PCLO: variants seen among roughly 807,000 people sequenced by gnomAD.
The protein encoded by PCLO is piccolo presynaptic cytomatrix protein.
Under a neutral mutation model 427.5 loss-of-function variants are expected in PCLO, and 82 were observed. The observed-to-expected ratio is 0.19, with a 90% CI of 0.16 to 0.23. The LOEUF (loss-of-function observed/expected upper bound fraction) is 0.23. Ranked by LOEUF, PCLO falls within the 10% of genes least tolerant of loss-of-function variation. The pLI is 1.00. For synonymous variants in PCLO, 2,357 were observed against 2,155.4 expected (o/e 1.09, Z -2.59); for missense variants, 6,239 against 6,115.9 (o/e 1.02, Z -0.67).
At chr7:82,809,711 T>A (rs1791529308) in intron 20 of PCLO, among the ~76,000 whole-genome samples, 2 of 151,698 alleles carry the variant, frequency 1.3e-5, no homozygotes, top group Admixed American at 6.6e-5. Flanking sequence ...TTTATACAAA[T>A]CATAAATTTC....
intron 10 of PCLO, among the ~76,000 whole-genome samples, chr7:82,877,351 C>G (rs78287121): frequency 6.6e-6 from 1 of 152,188 alleles, no homozygotes; most frequent in Non-Finnish European, 1.5e-5. Flanking sequence ...ATACTAGACA[C>G]AGTTGTTATT....
rs779234330 is a variant in PCLO at position 83,156,027 on chromosome 7, C to T, written c.614G>A (p.Gly205Glu). The change falls in exon 2 of 25, where the codon GGA (glycine) becomes GAA (glutamate). Residue 205 changes from glycine to glutamate, a missense_variant. Physicochemically the swap from Gly to Glu is moderately conservative, Grantham distance 98. This residue lies in a region of PCLO where 4,677 missense variants were observed against 4,468.4 expected (regional missense o/e 1.05). Coordinates refer to ENST00000333891, the MANE Select transcript of PCLO (RefSeq NM_033026.6). ...VVQKEQGKPE[G>E]IIKPPLQQQP... The stretch of plus-strand genomic sequence containing the variant: ...TTGTTGTAAAGGAGGTTTTATGATT[C>T]CTTCAGGTTTTCCTTGCTCCTTCTG... 6.2e-7 allele frequency: 1 copy of T among 1,612,710 alleles called. No individual in the cohort carries two copies. The highest frequency in any genetic ancestry group is 8.5e-7 in the Non-Finnish European group (1 of 1,179,648).
In PCLO at chr7:83,020,778, C is replaced by T. The variant is rs377700313; in HGVS notation, c.3301-54291G>A. ...TTAGTGAAGTGGTCCCTATAAATTT[C>T]GTAAAATTAATCAGGGAAGAAGGGA... is the stretch of plus-strand genomic sequence containing the variant. On this transcript the variant is annotated intron_variant, in intron 3 of 24. Transcript: ENST00000333891. Among the ~76,000 whole-genome samples, 15 of 152,082 alleles carry T rather than the reference C, an allele frequency of 9.9e-5. No homozygotes were observed. The East Asian group carries it at 2.7e-3, about 27-fold the overall frequency.
At chr7:82,898,839 C>A (rs978355976) in intron 9 of PCLO, among the ~76,000 whole-genome samples, 8 of 151,478 alleles carry the variant, frequency 5.3e-5, no homozygotes, top group African/African-American at 1.9e-4. Flanking sequence ...CAAGCTCCAA[C>A]AATCAACAAA....
At chr7:83,000,848 CTTAA>C (rs753423796) in intron 3 of PCLO, among the ~76,000 whole-genome samples, 36 of 152,010 alleles carry the variant, frequency 2.4e-4, no homozygotes, top group African/African-American at 5.1e-4. Context: ...TGTTTTTATT[CTTAA>C]TTAATTTAAC....
At chr7:83,158,645 C>A (rs1223584804) in intron 1 of PCLO, among the ~76,000 whole-genome samples, 2 of 151,886 alleles carry the variant, frequency 1.3e-5, no homozygotes, top group Non-Finnish European at 2.9e-5. Context: ...AAAAAATAAA[C>A]TTCATGAATG....
chr7:83,062,980 T>C (rs1434067547), intron 3 of PCLO, among the ~76,000 whole-genome samples: 4 of 152,102 alleles, frequency 2.6e-5, no homozygotes. Context: ...TATTCCTAAA[T>C]TCCTAATGGA....
intron 3 of PCLO, among the ~76,000 whole-genome samples, chr7:83,057,179 G>A (rs920212375): frequency 3.4e-5 from 5 of 148,900 alleles, no homozygotes; most frequent in Non-Finnish European, 5.9e-5. Flanking sequence ...CGCCTCCCGG[G>A]TTCAAGAGAT....
rs369207658 is a variant in PCLO, at chr7:83,155,121, G to C, written c.1520C>G (p.Thr507Arg). Reference protein sequence around the residue: ...AKPPSQQPGSTKPPPQQPGPA... With the variant: ...AKPPSQQPGSRKPPPQQPGPA... ...GCCAGGCTGTTGAGGTGGGGGTTTTGTTGAGCCAGGCTGTTGAGATGGGGG... is the reference window on the plus strand; with the variant it reads ...GCCAGGCTGTTGAGGTGGGGGTTTTCTTGAGCCAGGCTGTTGAGATGGGGG... The change falls in exon 2 of 25, where the codon ACA becomes AGA. Residue 507 changes from threonine to arginine, a missense_variant. Around this residue, in one of 5 missense-constraint regions of PCLO, gnomAD observed 4,677 missense variants for 4,468.4 expected, o/e 1.05. Coordinates refer to ENST00000333891, the MANE Select transcript of PCLO (RefSeq NM_033026.6). 1 of 1,540,134 alleles carries C rather than the reference G, an allele frequency of 6.5e-7. No homozygotes were observed. Among genetic ancestry groups the C allele is most frequent in the Non-Finnish European group, 8.8e-7 (1 of 1,133,418 alleles).
chr7:83,130,339 C>A (rs376633031), intron 3 of PCLO, among the ~76,000 whole-genome samples: 27 of 152,090 alleles, frequency 1.8e-4, no homozygotes, highest in Admixed American at 1.4e-3. Flanking sequence ...ACCACCATGC[C>A]GGCTTTCTCA....
At chr7:82,930,878 G>C (rs993558031) in intron 6 of PCLO, among the ~76,000 whole-genome samples, 1 of 152,128 alleles carries the variant, frequency 6.6e-6, no homozygotes, top group African/African-American at 2.4e-5. Flanking sequence ...ATAACTTGTA[G>C]ATTCAACATA....
At chr7:82,873,153 T>C (rs1157613831) in intron 10 of PCLO, among the ~76,000 whole-genome samples, 1 of 151,138 alleles carries the variant, frequency 6.6e-6, no homozygotes, top group Non-Finnish European at 1.5e-5. Context: ...GATAGGTACA[T>C]GGCTGTTTGC....
chr7:82,992,800 T>C (rs143097111), intron 3 of PCLO, among the ~76,000 whole-genome samples: 404 of 151,570 alleles, frequency 2.7e-3, no homozygotes, highest in African/African-American at 9.2e-3. Flanking sequence ...TTCCCACAGA[T>C]TACTGACATT....
chr7:83,122,286 CTTTTTTTTTTT>C (rs71074624), intron 3 of PCLO, among the ~76,000 whole-genome samples: 6 of 128,302 alleles, frequency 4.7e-5, no homozygotes, highest in Non-Finnish European at 9.7e-5. Flanking sequence ...CTTTTCTTTT[CTTTTTTTTTTT>C]TTTTTTTTTA....
chr7:83,103,528 G>A (rs1446631443), intron 3 of PCLO, among the ~76,000 whole-genome samples: 1 of 151,824 alleles, frequency 6.6e-6, no homozygotes, highest in Non-Finnish European at 1.5e-5. Flanking sequence ...CCAGTATTTA[G>A]GATATATACT....
chr7:83,026,514 T>C (rs2116100719), intron 3 of PCLO, among the ~76,000 whole-genome samples: 1 of 152,014 alleles, frequency 6.6e-6, no homozygotes, highest in South Asian at 2.1e-4. Context: ...TGGGAGACTT[T>C]AACACCCCAC....
intron 3 of PCLO, among the ~76,000 whole-genome samples, chr7:83,021,967 A>T (rs1162167518): frequency 6.6e-6 from 1 of 152,212 alleles, no homozygotes; most frequent in African/African-American, 2.4e-5. Flanking sequence ...CAAATTTAAA[A>T]ATATTCTTTT....
intron 9 of PCLO, among the ~76,000 whole-genome samples, chr7:82,899,005 T>C (rs980746313): frequency 2.6e-5 from 4 of 151,394 alleles, no homozygotes; most frequent in Non-Finnish European, 4.4e-5. Flanking sequence ...TAACAATATA[T>C]TGTATTATAG....
chr7:82,894,067 A>T (rs1171354936), intron 9 of PCLO, among the ~76,000 whole-genome samples: 1 of 152,028 alleles, frequency 6.6e-6, no homozygotes, highest in African/African-American at 2.4e-5. Context: ...ATGAGTAAAA[A>T]AATTCAGAGA....
Sources: gnomAD v4.1 joint callset for allele counts (sites outside exome capture counted in the v4.1 genomes callset) on GRCh38, gnomAD v4.1.1 for gene constraint, gnomAD v4.1.1 regional missense constraint, MANE v1.5 for transcripts, NCBI Gene and HGNC (gene_info 2026-07-23, HGNC 2026-07-21) for gene names.